LEPR: variants seen among roughly 807,000 people sequenced by gnomAD.
The protein encoded by LEPR is leptin receptor.
Under a neutral mutation model 114.7 loss-of-function variants are expected in LEPR, and 56 were observed. The ratio of observed to expected loss-of-function variants is 0.49; its 90% CI spans 0.39 to 0.61. The LOEUF (loss-of-function observed/expected upper bound fraction) is 0.61, where lower values mean the gene tolerates loss of function less well. Among genes scored for constraint, LEPR ranks in the 20% least tolerant of loss-of-function variants. The pLI, the probability that LEPR is intolerant of heterozygous loss-of-function variation, is 0.00. For missense variants in LEPR, 1,202 were observed against 1,352.9 expected, an observed-to-expected ratio of 0.89 and a Z score of 1.75; for synonymous variants, 443 against 461.4, an observed-to-expected ratio of 0.96 and a Z score of 0.51.
chr1:65,579,474 A>G (rs182350428), intron 5 of LEPR, among the ~76,000 whole-genome samples: 1 of 152,364 alleles, frequency 6.6e-6, no homozygotes, highest in East Asian at 1.9e-4. Context: ...GTTTACCTCA[A>G]CTTCTGAGTA....
chr1:65,441,863 C>A (rs1261538642), intron 2 of LEPR, among the ~76,000 whole-genome samples: 1 of 152,174 alleles, frequency 6.6e-6, no homozygotes, highest in Non-Finnish European at 1.5e-5. Flanking sequence ...GAAACCCTCT[C>A]CCCTTTTCCC....
At chr1:65,441,935 A>C (rs1379890599) in intron 2 of LEPR, among the ~76,000 whole-genome samples, 2 of 152,224 alleles carry the variant, frequency 1.3e-5, no homozygotes, top group East Asian at 3.9e-4. Flanking sequence ...ACTGTTGTTC[A>C]CTGTGGTGTT....
At chr1:65,433,638 C>T (rs1646518653) in intron 2 of LEPR, 1 of 985,160 alleles carries the variant, frequency 1.0e-6, no homozygotes, top group Non-Finnish European at 1.2e-6. Context: ...TGGCCTTGTT[C>T]ATGATTTTAT....
At chr1:65,425,399 G>C in intron 2 of LEPR, 21 bp downstream of exon 2, 1 of 1,576,306 alleles carries the variant, frequency 6.3e-7, no homozygotes. Context: ...ATTTCAAAAA[G>C]AACTATTCCT....
rs1004634012 is a variant in LEPR, at chr1:65,637,963, A to T, written c.*948A>T. 7.2e-5 allele frequency: 11 copies of T among 152,234 alleles called. No individual in the cohort carries two copies. Among genetic ancestry groups the T allele is most frequent in the Non-Finnish European group, 1.2e-4 (8 of 68,044 alleles). 9.4% of individuals were successfully genotyped at this position (152,234 alleles called of 1,614,324 possible). ...AGTGGGTGATGGAATCAGAGTTCAG[A>T]TTTAAATCCAGATTTTTTAATGCTA... On this transcript the variant is annotated 3_prime_UTR_variant, in exon 20 of 20. Transcript: ENST00000349533.
At chr1:65,506,289 T>C (rs1648724861) in intron 2 of LEPR, among the ~76,000 whole-genome samples, 1 of 152,204 alleles carries the variant, frequency 6.6e-6, no homozygotes, top group African/African-American at 2.4e-5. Context: ...AGGGAAGTAG[T>C]ATCTGGGAAA....
At chr1:65,610,432 T>A in intron 14 of LEPR, 136 bp downstream of exon 14, 1 of 768,744 alleles carries the variant, frequency 1.3e-6, no homozygotes. Context: ...GAGATGTATT[T>A]AAAGAGAGCT....
At chr1:65,576,732 T>C (rs1300986912) in intron 5 of LEPR, 2 of 194,030 alleles carry the variant, frequency 1.0e-5, no homozygotes, top group South Asian at 1.9e-4. Context: ...CAGCCAGACA[T>C]GTGCCAGCTG....
chr1:65,547,134 G>T (rs1296590677), intron 2 of LEPR, among the ~76,000 whole-genome samples: 1 of 151,520 alleles, frequency 6.6e-6, no homozygotes, highest in Non-Finnish European at 1.5e-5. Flanking sequence ...TATTGAACCA[G>T]CCTTGCATCC....
chr1:65,532,840 G>A (rs1382702731), intron 2 of LEPR, among the ~76,000 whole-genome samples: 2 of 152,082 alleles, frequency 1.3e-5, no homozygotes, highest in Non-Finnish European at 2.9e-5. Flanking sequence ...TGAAAGGGGA[G>A]CGACTGCTAA....
chr1:65,557,871 G>A (rs1652936288), intron 2 of LEPR, among the ~76,000 whole-genome samples: 1 of 152,038 alleles, frequency 6.6e-6, no homozygotes, highest in African/African-American at 2.4e-5. Context: ...ACTTGTGATT[G>A]TTTCTCTGTT....
chr1:65,488,256 C>CTTTCT (rs1557620468), intron 2 of LEPR, among the ~76,000 whole-genome samples: 7 of 100,466 alleles, frequency 7.0e-5, no homozygotes, highest in Admixed American at 2.2e-4. Context: ...TTCTTTCTTT[C>CTTTCT]TTTTCTTTCT....
At chr1:65,435,317 G>A in intron 2 of LEPR, 4 of 980,104 alleles carry the variant, frequency 4.1e-6, no homozygotes, top group Non-Finnish European at 4.8e-6. Context: ...CCTTCTTTAT[G>A]TTCTCAGGGA....
At position 65,525,936 on chromosome 1, in the gene LEPR, G is replaced by T. The variant is rs932949494; in HGVS notation, c.-20-39610G>T. ...CGCGGAGCCCCGCGGGCCGCTTAGG[G>T]ACTGGGAGTCCGGGGCAGCTTAGCG... On this transcript the variant is annotated intron_variant, in intron 2 of 19. Transcript: ENST00000349533. 1.4e-5 allele frequency: 12 copies of T among 857,008 alleles called. No individual in the cohort carries two copies. In the African/African-American group the frequency reaches 2.2e-4, roughly 16 times the overall value. The allele number at this position is 857,008 out of a possible 1,614,324, so 53.1% of individuals were successfully genotyped here.
At chr1:65,508,908 C>T (rs975595674) in intron 2 of LEPR, among the ~76,000 whole-genome samples, 18 of 152,116 alleles carry the variant, frequency 1.2e-4, no homozygotes, top group African/African-American at 2.4e-4. Flanking sequence ...TCCACTTCCT[C>T]GGTTAAATTA....
chr1:65,598,126 G>T (rs1349204328), intron 7 of LEPR, among the ~76,000 whole-genome samples: 2 of 86,550 alleles, frequency 2.3e-5, no homozygotes, highest in Non-Finnish European at 4.3e-5. Flanking sequence ...AAGAGATGAG[G>T]TATCACTATG....
intron 6 of LEPR, among the ~76,000 whole-genome samples, chr1:65,593,392 ACT>A (rs1297322968): frequency 6.6e-6 from 1 of 151,744 alleles, no homozygotes; most frequent in Non-Finnish European, 1.5e-5. Context: ...AATAGACAAC[ACT>A]CTGTTTTCTT....
chr1:65,639,448 C>T lies in LEPR; in HGVS notation c.*2433C>T, dbSNP rs189354627. On this transcript the variant is annotated 3_prime_UTR_variant, in exon 20 of 20. Transcript: ENST00000349533. Reference sequence around the variant, plus strand: ...TTTCCACTTTTGAAAGTTTATTTCACTATGTATCATTACATTTTATTGGGA... The same window carrying T: ...TTTCCACTTTTGAAAGTTTATTTCATTATGTATCATTACATTTTATTGGGA... 1 of 152,206 alleles carries T rather than the reference C, an allele frequency of 6.6e-6. No homozygotes were observed. The highest frequency in any genetic ancestry group is 2.4e-5 in the African/African-American group (1 of 41,538). 9.4% of individuals were successfully genotyped at this position (152,206 alleles called of 1,614,324 possible). A position where few individuals can be genotyped will look rare whatever the true frequency, so the allele number is the denominator to read the frequency against.
Position 65,639,223 on chromosome 1 carries a change from A to G in LEPR, c.*2208A>G, listed in dbSNP as rs893966951. 7.9e-5 allele frequency: 12 copies of G among 152,234 alleles called. No homozygotes were observed. 9.4% of individuals were successfully genotyped at this position (152,234 alleles called of 1,614,324 possible). On this transcript the variant is annotated 3_prime_UTR_variant, in exon 20 of 20. Coordinates refer to ENST00000349533, the MANE Select transcript of LEPR (RefSeq NM_002303.6). Reference sequence around the variant, plus strand: ...GGTCTGTGTAAAGAAATGTAGTGACAGCACATTAACCTGAGATCATTGATA... The same window carrying G: ...GGTCTGTGTAAAGAAATGTAGTGACGGCACATTAACCTGAGATCATTGATA...
Sources: gnomAD v4.1 joint callset for allele counts (sites outside exome capture counted in the v4.1 genomes callset) on GRCh38, gnomAD v4.1.1 for gene constraint, MANE v1.5 for transcripts, NCBI Gene and HGNC (gene_info 2026-07-23, HGNC 2026-07-21) for gene names.